The following BRAF variants were observed in gnomAD, a reference collection of about 807,000 sequenced individuals.
The protein encoded by BRAF is serine/threonine-protein kinase B-raf.
A neutral mutation model predicts 104.6 loss-of-function variants in BRAF; 16 were observed. That is an observed-to-expected ratio of 0.15 (90% CI 0.10 to 0.23). The LOEUF is 0.23. Among genes scored for constraint, BRAF ranks in the 10% least tolerant of loss-of-function variants. BRAF has a pLI of 1.00. For synonymous variants in BRAF, 310 were observed against 341.6 expected, an observed-to-expected ratio of 0.91 and a Z score of 1.02; for missense variants, 541 against 937.3, an observed-to-expected ratio of 0.58 and a Z score of 5.52.
intron 3 of BRAF, among the ~76,000 whole-genome samples, chr7:140,825,127 G>A (rs898096025): frequency 2.0e-5 from 3 of 151,482 alleles, no homozygotes; most frequent in Non-Finnish European, 2.9e-5. Flanking sequence ...CTGCCACCAC[G>A]CCCAGCTAAT....
intron 1 of BRAF, among the ~76,000 whole-genome samples, chr7:140,919,047 G>T (rs1817926486): frequency 6.6e-6 from 1 of 151,442 alleles, no homozygotes; most frequent in Admixed American, 6.6e-5. Context: ...GCTGAGGCAG[G>T]AGAAAGGCAG....
intron 1 of BRAF, among the ~76,000 whole-genome samples, chr7:140,906,043 C>T (rs1410915915): frequency 7.2e-6 from 1 of 137,946 alleles, no homozygotes; most frequent in African/African-American, 2.8e-5. Context: ...AGCCGAGATC[C>T]CGCCACTGCA....
chr7:140,752,042 T>G (rs1797835009), intron 16 of BRAF, among the ~76,000 whole-genome samples: 1 of 152,222 alleles, frequency 6.6e-6, no homozygotes, highest in Non-Finnish European at 1.5e-5. Context: ...AGATTATATC[T>G]GTGGATGTTT....
chr7:140,891,505 T>G (rs924827479), intron 1 of BRAF, among the ~76,000 whole-genome samples: 1 of 152,252 alleles, frequency 6.6e-6, no homozygotes, highest in African/African-American at 2.4e-5. Flanking sequence ...TGTATTATTG[T>G]ATTACTTTTT....
At chr7:140,825,698 A>T (rs62484294) in intron 3 of BRAF, among the ~76,000 whole-genome samples, 8,604 of 152,188 alleles carry the variant, frequency 0.057, 291 homozygotes, top group South Asian at 0.11. Flanking sequence ...TTATAGCTTA[A>T]CTTAGCTGAG....
intron 1 of BRAF, among the ~76,000 whole-genome samples, chr7:140,919,432 G>A (rs1586657876): frequency 6.6e-6 from 1 of 151,870 alleles, no homozygotes; most frequent in Non-Finnish European, 1.5e-5. Context: ...TATATGCATA[G>A]TCTTGATACA....
intron 14 of BRAF, among the ~76,000 whole-genome samples, chr7:140,759,971 CAATT>C (rs779010492): frequency 6.6e-6 from 1 of 152,144 alleles, no homozygotes; most frequent in Non-Finnish European, 1.5e-5. Context: ...ACTAAGAACA[CAATT>C]AAACAAGGGA....
chr7:140,734,417 C>G, intron 19 of BRAF: 1 of 1,491,096 alleles, frequency 6.7e-7, no homozygotes, highest in East Asian at 2.4e-5. Context: ...GTTAAAAATC[C>G]AATGTTAAGT....
At chr7:140,718,659 C>T (rs1294317481), downstream of BRAF, among the ~76,000 whole-genome samples, 1 of 152,234 alleles carries the variant, frequency 6.6e-6, no homozygotes, top group African/African-American at 2.4e-5. Flanking sequence ...GCTGGGATTA[C>T]AGGCGTGAGC....
chr7:140,793,440 A>C (rs1336481433), intron 8 of BRAF, among the ~76,000 whole-genome samples: 1 of 152,188 alleles, frequency 6.6e-6, no homozygotes, highest in Non-Finnish European at 1.5e-5. Flanking sequence ...AAAATTTCTT[A>C]GTAAAAAGTG....
chr7:140,910,013 T>C (rs1816795926), intron 1 of BRAF, among the ~76,000 whole-genome samples: 1 of 152,210 alleles, frequency 6.6e-6, no homozygotes, highest in South Asian at 2.1e-4. Context: ...GTGGGATGGC[T>C]GACTTCCCTG....
chr7:140,734,082 A>G lies in BRAF; in HGVS notation c.2401+535T>C, dbSNP rs1796187074. The G allele has an allele frequency of 5.8e-6, 6 of 1,035,466 alleles. No homozygotes were observed. The South Asian group carries it at 2.3e-4, about 40-fold the overall frequency. 64.1% of individuals were successfully genotyped at this position (1,035,466 alleles called of 1,614,324 possible). On this transcript the variant is annotated intron_variant, in intron 19 of 19. Coordinates refer to ENST00000644969, the MANE Select transcript of BRAF (RefSeq NM_001374258.1). ...ATCCACATTTTCCAAATTGTTATAAAAAGAAATAGTTATAGAAAAATTATT... is the reference window on the plus strand; with the variant it reads ...ATCCACATTTTCCAAATTGTTATAAGAAGAAATAGTTATAGAAAAATTATT...
intron 3 of BRAF, among the ~76,000 whole-genome samples, chr7:140,822,675 T>C (rs1218418766): frequency 1.3e-5 from 2 of 152,242 alleles, no homozygotes; most frequent in Non-Finnish European, 2.9e-5. Flanking sequence ...ACCATTCACC[T>C]GTTTATGGAC....
At chr7:140,766,265 G>T (rs1419556358) in intron 14 of BRAF, among the ~76,000 whole-genome samples, 3 of 151,286 alleles carry the variant, frequency 2.0e-5, no homozygotes, top group African/African-American at 7.3e-5. Context: ...ACAGGAAGGG[G>T]AACATCACAC....
chr7:140,739,180 G>A (rs1585954617), intron 18 of BRAF, among the ~76,000 whole-genome samples: 1 of 151,794 alleles, frequency 6.6e-6, no homozygotes, highest in Non-Finnish European at 1.5e-5. Context: ...GGATCCACGA[G>A]GTCAAAACTA....
intron 1 of BRAF, among the ~76,000 whole-genome samples, chr7:140,874,391 G>A (rs1330728717): frequency 2.6e-5 from 4 of 151,638 alleles, no homozygotes; most frequent in South Asian, 2.1e-4. Context: ...CAGTAGAGAC[G>A]GGGTTTCATC....
At chr7:140,768,053 TA>T (rs1340485489) in intron 14 of BRAF, among the ~76,000 whole-genome samples, 1 of 151,998 alleles carries the variant, frequency 6.6e-6, no homozygotes, top group Non-Finnish European at 1.5e-5. Flanking sequence ...TATTTAAGAG[TA>T]AAAAGGAAAA....
At chr7:140,749,520 C>T (rs1797617782) in intron 16 of BRAF, 102 bp from the exon 16 acceptor site, 7 of 1,250,098 alleles carry the variant, frequency 5.6e-6, no homozygotes, top group Non-Finnish European at 6.9e-6. Context: ...CATTAAAACA[C>T]CTGTCTAATA....
At chr7:140,802,460 C>T (rs1803232648) in intron 5 of BRAF, among the ~76,000 whole-genome samples, 1 of 151,796 alleles carries the variant, frequency 6.6e-6, no homozygotes, top group South Asian at 2.1e-4. Flanking sequence ...CTAGGCCTGG[C>T]TAATTTTCCT....
Sources: allele counts gnomAD v4.1 joint callset (sites outside exome capture counted in the v4.1 genomes callset), GRCh38; gene constraint gnomAD v4.1.1; transcripts MANE v1.5; gene names NCBI Gene and HGNC (gene_info 2026-07-23, HGNC 2026-07-21).